DNAJC1: variants seen among roughly 807,000 people sequenced by gnomAD.
DNAJC1 encodes dnaJ homolog subfamily C member 1.
DNAJC1 carries 58 observed loss-of-function variants against 76.6 expected under a neutral mutation model. That is an observed-to-expected ratio of 0.76 (90% confidence interval 0.61 to 0.94). DNAJC1 has a LOEUF of 0.94. DNAJC1 is among the 40% of genes least tolerant of loss of function. DNAJC1 has a pLI of 0.00. For missense variants in DNAJC1, 689 were observed against 677.3 expected, an observed-to-expected ratio of 1.02 and a Z score of -0.19; for synonymous variants, 258 against 267.9, an observed-to-expected ratio of 0.96 and a Z score of 0.36.
At chr10:21,903,581 T>G (rs1475160641) in intron 7 of DNAJC1, among the ~76,000 whole-genome samples, 2 of 152,218 alleles carry the variant, frequency 1.3e-5, no homozygotes, top group African/African-American at 4.8e-5. Context: ...TTACATGAAT[T>G]CATACATCTA....
At chr10:21,805,305 T>C (rs1834870614) in intron 9 of DNAJC1, among the ~76,000 whole-genome samples, 1 of 152,130 alleles carries the variant, frequency 6.6e-6, no homozygotes, top group Admixed American at 6.6e-5. Context: ...GTGTATTTAG[T>C]ATATTACACA....
Position 21,904,587 on chromosome 10 carries a change from T to C in DNAJC1, c.755A>G (p.Tyr252Cys), listed in dbSNP as rs1836713031. 2 of 1,606,844 alleles carry C rather than the reference T, an allele frequency of 1.2e-6. No homozygotes were observed. Among genetic ancestry groups the C allele is most frequent in the Admixed American group, 1.7e-5 (1 of 59,164 alleles). ...IQDAGQFYAK[Y>C]KETRLKEKED... ...CTTTTCCTTCAATCTTGTTTCTTTATATTTAGCATAAAACTGCCCAGCATC... is the reference window on the plus strand; with the variant it reads ...CTTTTCCTTCAATCTTGTTTCTTTACATTTAGCATAAAACTGCCCAGCATC... Residue 252 changes from tyrosine to cysteine, a missense_variant, in exon 7 of 12, where the codon TAT becomes TGT. Tyr to Cys is a radical substitution (Grantham distance 194, BLOSUM62 -2). Coordinates refer to ENST00000376980, the MANE Select transcript of DNAJC1 (RefSeq NM_022365.4).
chr10:21,973,954 C>T (rs1436921399), intron 1 of DNAJC1, among the ~76,000 whole-genome samples: 6 of 151,100 alleles, frequency 4.0e-5, no homozygotes, highest in African/African-American at 1.2e-4. Flanking sequence ...AATACAAAAT[C>T]GGCCGGACCT....
intron 1 of DNAJC1, among the ~76,000 whole-genome samples, chr10:21,931,893 T>C (rs1388228855): frequency 6.6e-6 from 1 of 152,218 alleles, no homozygotes; most frequent in Non-Finnish European, 1.5e-5. Flanking sequence ...TTAGATCTAC[T>C]GGATTCATCT....
intron 6 of DNAJC1, among the ~76,000 whole-genome samples, chr10:21,908,120 A>G (rs1836782853): frequency 9.1e-6 from 1 of 110,000 alleles, no homozygotes; most frequent in Non-Finnish European, 1.7e-5. Flanking sequence ...AAATATATAT[A>G]TAATATATAA....
chr10:21,966,854 A>AT (rs1348570484), intron 1 of DNAJC1, among the ~76,000 whole-genome samples: 2 of 150,960 alleles, frequency 1.3e-5, no homozygotes, highest in Non-Finnish European at 3.0e-5. Context: ...CCCAGCTCAT[A>AT]TTTTGTATTT....
chr10:21,756,632 G>A lies in DNAJC1; in HGVS notation c.*55C>T. 3 of 1,396,464 alleles carry A rather than the reference G, an allele frequency of 2.1e-6. No individual in the cohort carries two copies. Among genetic ancestry groups the A allele is most frequent in the Non-Finnish European group, 3.0e-6 (3 of 984,828 alleles). The allele number at this position is 1,396,464 out of a possible 1,614,324, so 86.5% of individuals were successfully genotyped here. A position where few individuals can be genotyped will look rare whatever the true frequency, so the allele number is the denominator to read the frequency against. On this transcript the variant is annotated 3_prime_UTR_variant, in exon 12 of 12. Coordinates refer to ENST00000376980, the MANE Select transcript of DNAJC1 (RefSeq NM_022365.4). ...GTACAAAATGCAAATTTCTGCATAA[G>A]ATTTTTAAGATATTCATTTTGGAAA... is the stretch of plus-strand genomic sequence containing the variant.
rs553058460 is a variant in DNAJC1 at position 21,997,780 on chromosome 10, C to T, written c.222+5433G>A. 1.9e-4 allele frequency among the ~76,000 whole-genome samples: 29 copies of T among 152,286 alleles called. No homozygotes were observed. In the South Asian group the frequency reaches 5.8e-3, roughly 30 times the overall value. On this transcript the variant is annotated intron_variant, in intron 1 of 11. Coordinates refer to ENST00000376980, the MANE Select transcript of DNAJC1 (RefSeq NM_022365.4). ...TTAAAATCCAAATATTTTATAAGCA[C>T]ATCCCTGTTCTTCTGCTTTTCTTCT...
intron 8 of DNAJC1, among the ~76,000 whole-genome samples, chr10:21,858,651 T>C (rs567590580): frequency 6.6e-6 from 1 of 152,214 alleles, no homozygotes; most frequent in East Asian, 1.9e-4. Context: ...GCAATAAGGA[T>C]GCAGGATAGT....
intron 9 of DNAJC1, among the ~76,000 whole-genome samples, chr10:21,787,860 A>G: frequency 6.6e-6 from 1 of 152,240 alleles, no homozygotes; most frequent in Non-Finnish European, 1.5e-5. Context: ...TTGCTCCCCC[A>G]GAGGAGTAGC....
Position 21,907,073 on chromosome 10 carries a change from T to C in DNAJC1, c.730-2461A>G, listed in dbSNP as rs573683554. On this transcript the variant is annotated intron_variant, in intron 6 of 11. Coordinates refer to ENST00000376980, the MANE Select transcript of DNAJC1 (RefSeq NM_022365.4). ...ACCTCTCCCTAGTAGTCCTGCCAAA[T>C]TTGAACATTTTCCCTGTTAATGTTT... 2.0e-5 allele frequency among the ~76,000 whole-genome samples: 3 copies of C among 152,276 alleles called. No homozygotes were observed. In the South Asian group the frequency reaches 6.2e-4, roughly 32 times the overall value.
At chr10:21,778,905 C>T (rs368635410) in intron 9 of DNAJC1, among the ~76,000 whole-genome samples, 50 of 152,364 alleles carry the variant, frequency 3.3e-4, no homozygotes, top group African/African-American at 1.0e-3. Context: ...CCTAACACTG[C>T]GCTTTTCCAA....
intron 8 of DNAJC1, among the ~76,000 whole-genome samples, chr10:21,842,711 A>G (rs1835593498): frequency 6.6e-6 from 1 of 152,232 alleles, no homozygotes; most frequent in African/African-American, 2.4e-5. Flanking sequence ...TGAACAGAGG[A>G]TGACGGAGTA....
chr10:21,786,975 T>C (rs551333695), intron 9 of DNAJC1, among the ~76,000 whole-genome samples: 1 of 152,270 alleles, frequency 6.6e-6, no homozygotes, highest in South Asian at 2.1e-4. Context: ...TATTTCAAGA[T>C]TTAGTTTAAT....
chr10:21,974,128 A>G (rs1838027032), intron 1 of DNAJC1, among the ~76,000 whole-genome samples: 1 of 151,992 alleles, frequency 6.6e-6, no homozygotes, highest in Non-Finnish European at 1.5e-5. Flanking sequence ...AAAAGAAAAA[A>G]AGGAAAAGAA....
intron 1 of DNAJC1, among the ~76,000 whole-genome samples, chr10:21,941,370 T>A (rs1313200592): frequency 6.6e-6 from 1 of 151,660 alleles, no homozygotes; most frequent in Non-Finnish European, 1.5e-5. Flanking sequence ...AAAGGCAGAT[T>A]TGTGACAACT....
rs558368942 is a variant in DNAJC1 at position 21,869,372 on chromosome 10, G to A, written c.978+12910C>T. ...TATTGACTTCAATTCTCCAGACAAA[G>A]CTTAATGCTTTCAATCAATTCCCAA... is the stretch of plus-strand genomic sequence containing the variant. On this transcript the variant is annotated intron_variant, in intron 8 of 11. Coordinates refer to ENST00000376980, the MANE Select transcript of DNAJC1 (RefSeq NM_022365.4). Among the ~76,000 whole-genome samples, 51 of 152,098 alleles carry A rather than the reference G, an allele frequency of 3.4e-4. 1 individual carries two copies. In the South Asian group the frequency reaches 9.1e-3, roughly 27 times the overall value.
intron 1 of DNAJC1, among the ~76,000 whole-genome samples, chr10:21,967,858 A>C (rs1353084176): frequency 6.6e-6 from 1 of 152,206 alleles, no homozygotes; most frequent in African/African-American, 2.4e-5. Context: ...CAAAGGTGTC[A>C]CACATGACTT....
chr10:21,833,720 A>G (rs932834053), intron 8 of DNAJC1, among the ~76,000 whole-genome samples: 12 of 152,272 alleles, frequency 7.9e-5, no homozygotes, highest in African/African-American at 2.2e-4. Context: ...CACTTAATAA[A>G]TGTTAGCTAA....
Sources: allele counts gnomAD v4.1 joint callset (sites outside exome capture counted in the v4.1 genomes callset), GRCh38; gene constraint gnomAD v4.1.1; transcripts MANE v1.5; gene names NCBI Gene and HGNC (gene_info 2026-07-23, HGNC 2026-07-21).